KIAA1217: variants seen among roughly 807,000 people sequenced by gnomAD.
KIAA1217 encodes the protein sickle tail protein homolog.
A neutral mutation model predicts 163.9 loss-of-function variants in KIAA1217; 88 were observed. The observed-to-expected ratio is 0.54, with a 90% CI of 0.45 to 0.64. The LOEUF is 0.64. KIAA1217 is among the 30% of genes least tolerant of loss of function. The probability of loss-of-function intolerance (pLI) is 0.00; values close to 1 mark genes in which losing one functional copy is unlikely to be tolerated. For missense variants in KIAA1217, 2,372 were observed against 2,475.0 expected, an observed-to-expected ratio of 0.96 and a Z score of 0.88; for synonymous variants, 903 against 923.1, an observed-to-expected ratio of 0.98 and a Z score of 0.39.
chr10:23,946,006 A>C (rs571552052), intron 1 of KIAA1217, among the ~76,000 whole-genome samples: 2 of 152,306 alleles, frequency 1.3e-5, no homozygotes, highest in East Asian at 3.9e-4. Context: ...CTTAAGTTCC[A>C]TGTCAATAGT....
chr10:23,937,460 A>G (rs1230596202), intron 1 of KIAA1217, among the ~76,000 whole-genome samples: 4 of 152,168 alleles, frequency 2.6e-5, no homozygotes, highest in Non-Finnish European at 5.9e-5. Context: ...TCTTCCTTCC[A>G]GATTCTGTCC....
chr10:23,823,738 A>G (rs1402306287), intron 1 of KIAA1217, among the ~76,000 whole-genome samples: 1 of 152,174 alleles, frequency 6.6e-6, no homozygotes, highest in Non-Finnish European at 1.5e-5. Flanking sequence ...ATTCAATAAG[A>G]GTGACTAAAA....
At chr10:24,148,116 A>G (rs896953143) in intron 2 of KIAA1217, among the ~76,000 whole-genome samples, 24 of 152,120 alleles carry the variant, frequency 1.6e-4, no homozygotes, top group African/African-American at 5.3e-4. Context: ...TAAAAGCCAT[A>G]TATGGATATT....
chr10:23,783,049 G>A (rs1360142040), intron 1 of KIAA1217, among the ~76,000 whole-genome samples: 3 of 152,206 alleles, frequency 2.0e-5, no homozygotes, highest in African/African-American at 7.2e-5. Flanking sequence ...AAGAAAGAAT[G>A]TGGAATTTTG....
chr10:24,055,141 C>A (rs1322110244), intron 2 of KIAA1217, among the ~76,000 whole-genome samples: 2 of 152,098 alleles, frequency 1.3e-5, no homozygotes, highest in Non-Finnish European at 2.9e-5. Context: ...GTGGCATGCA[C>A]CTGTACTTTC....
intron 5 of KIAA1217, among the ~76,000 whole-genome samples, chr10:24,441,071 CAG>C (rs1388338266): frequency 6.6e-6 from 1 of 152,198 alleles, no homozygotes; most frequent in Non-Finnish European, 1.5e-5. Context: ...AGAACAGAAA[CAG>C]AGAACAGAGC....
intron 5 of KIAA1217, among the ~76,000 whole-genome samples, chr10:24,463,362 T>C (rs1425506060): frequency 6.6e-6 from 1 of 152,224 alleles, no homozygotes; most frequent in Non-Finnish European, 1.5e-5. Flanking sequence ...ATAACGCTCA[T>C]CTTAAATATA....
rs1033840457 is a variant in KIAA1217, at chr10:23,695,896, G to A, written c.-321+662G>A. On this transcript the variant is annotated intron_variant, in intron 1 of 18. Coordinates refer to the KIAA1217 transcript ENST00000376462. This position sits in a 1 kb window ranked among gnomAD's most constrained non-coding sequence, Gnocchi z 4.9. ...AGCTGGTCATTAATTCTTGTCATCG[G>A]GAGGTTTCGCGGAGGGCGACAGCGC... Among the ~76,000 whole-genome samples the A allele has an allele frequency of 2.6e-5, 4 of 152,180 alleles. No homozygotes were observed. Among genetic ancestry groups the A allele is most frequent in the Admixed American group, 2.6e-4 (4 of 15,282 alleles).
intron 1 of KIAA1217, among the ~76,000 whole-genome samples, chr10:23,975,206 C>G (rs1193157674): frequency 6.6e-6 from 1 of 152,162 alleles, no homozygotes; most frequent in African/African-American, 2.4e-5. Context: ...CTATTTTTAT[C>G]AAGAGAAGTT....
intron 2 of KIAA1217, among the ~76,000 whole-genome samples, chr10:24,235,695 T>C (rs945879893): frequency 6.6e-6 from 1 of 152,204 alleles, no homozygotes. Context: ...AAATACAGCC[T>C]GCAGCTAAAT....
At chr10:24,145,754 A>G (rs1328103958) in intron 2 of KIAA1217, among the ~76,000 whole-genome samples, 1 of 152,254 alleles carries the variant, frequency 6.6e-6, no homozygotes. Flanking sequence ...TGTTAAGTCC[A>G]AGAGTCCAAA....
chr10:23,818,034 TATAC>T (rs1225244526), intron 1 of KIAA1217, among the ~76,000 whole-genome samples: 8 of 128,002 alleles, frequency 6.2e-5, no homozygotes, highest in African/African-American at 2.7e-4. Flanking sequence ...CACACATATA[TATAC>T]ATATATATAC....
intron 1 of KIAA1217, among the ~76,000 whole-genome samples, chr10:23,913,957 C>T (rs1311272738): frequency 6.6e-6 from 1 of 152,142 alleles, no homozygotes; most frequent in Non-Finnish European, 1.5e-5. Context: ...TACCTGGACC[C>T]TCCCTGGAGC....
At chr10:23,882,720 T>C (rs1327129863) in intron 1 of KIAA1217, among the ~76,000 whole-genome samples, 1 of 151,948 alleles carries the variant, frequency 6.6e-6, no homozygotes, top group Admixed American at 6.6e-5. Context: ...GCAATGTTTC[T>C]CATGCTAAAT....
chr10:24,118,238 G>T (rs1430767660), intron 2 of KIAA1217, among the ~76,000 whole-genome samples: 1 of 152,052 alleles, frequency 6.6e-6, no homozygotes, highest in Non-Finnish European at 1.5e-5. Flanking sequence ...CTGGTCCTGA[G>T]GTAAGATGTG....
intron 2 of KIAA1217, among the ~76,000 whole-genome samples, chr10:24,175,644 G>A (rs2065847286): frequency 6.6e-6 from 1 of 152,124 alleles, no homozygotes; most frequent in African/African-American, 2.4e-5. Flanking sequence ...CGCGGTGAGT[G>A]TTACAGTCCT....
At chr10:24,409,879 A>G (rs990700415) in intron 3 of KIAA1217, among the ~76,000 whole-genome samples, 1 of 152,102 alleles carries the variant, frequency 6.6e-6, no homozygotes, top group Non-Finnish European at 1.5e-5. Flanking sequence ...TTCACTTAGA[A>G]TAATAGTATC....
intron 1 of KIAA1217, among the ~76,000 whole-genome samples, chr10:23,915,354 T>TG (rs374025474): frequency 6.6e-6 from 1 of 151,716 alleles, no homozygotes; most frequent in Non-Finnish European, 1.5e-5. Flanking sequence ...GAGGGAGATG[T>TG]GGGGGGGAGG....
intron 1 of KIAA1217, among the ~76,000 whole-genome samples, chr10:23,757,350 G>A (rs915946427): frequency 6.6e-6 from 1 of 151,932 alleles, no homozygotes; most frequent in African/African-American, 2.4e-5. Context: ...TTGCACAAGG[G>A]TTCTAATTTC....
Sources: gnomAD v4.1 joint callset for allele counts (sites outside exome capture counted in the v4.1 genomes callset) on GRCh38, gnomAD v4.1.1 for gene constraint, Gnocchi (gnomAD v3.1) non-coding constraint, MANE v1.5 for transcripts, NCBI Gene and HGNC (gene_info 2026-07-23, HGNC 2026-07-21) for gene names.